The following PKD1 variants were observed in gnomAD, a reference collection of about 807,000 sequenced individuals.
PKD1 encodes the protein polycystin-1.
In PKD1, 81 loss-of-function variants were observed where a neutral mutation model predicts 361.7. The ratio of observed to expected loss-of-function variants is 0.22; its 90% CI spans 0.19 to 0.27. The LOEUF (loss-of-function observed/expected upper bound fraction) is 0.27. PKD1 is among the 10% of genes least tolerant of loss of function. PKD1 has a pLI of 1.00. For missense variants in PKD1, 6,399 were observed against 6,118.3 expected (o/e 1.05, Z -1.53); for synonymous variants, 3,615 against 2,818.3 (o/e 1.28, Z -8.95).
intron 34 of PKD1, among the ~76,000 whole-genome samples, chr16:2,096,604 C>G (rs1293161159): frequency 6.6e-6 from 1 of 152,204 alleles, no homozygotes; most frequent in African/African-American, 2.4e-5. Context: ...CAACCTTCAC[C>G]TACCAGGTTC....
In PKD1 at chr16:2,117,524, G is replaced by C; in HGVS notation, c.1350C>G (p.Pro450=). ...AGAALAMVDS[P]AVQRFLVSRV... ...GGGAGACCAGGAAGCGCTGCACGGC[G>C]GGACTGTCCACCATTGCCAGGGCGG... The change falls in exon 6 of 46, where the codon CCC becomes CCG. Residue 450 remains proline, a synonymous_variant. Coordinates refer to ENST00000262304, the MANE Select transcript of PKD1 (RefSeq NM_001009944.3). 1 of 1,588,140 alleles carries C rather than the reference G, an allele frequency of 6.3e-7. No individual in the cohort carries two copies. The highest frequency in any genetic ancestry group is 1.1e-5 in the South Asian group (1 of 88,212).
Position 2,111,153 on chromosome 16 carries a change from G to A in PKD1, c.4014C>T (p.Thr1338=), listed in dbSNP as rs577199866. The stretch of plus-strand genomic sequence containing the variant: ...GTGTCACCGTCGGGCACCCCCGCAC[G>A]GTCGTGTTGGAGGAGCCATCCCCGA... ...WTFGDGSSNT[T]VRGCPTVTHN... is the part of the protein sequence containing the mutation. Residue 1338 remains threonine, a synonymous_variant, in exon 15 of 46, where the codon ACC becomes ACT. Transcript: ENST00000262304. 528 of 1,611,188 alleles carry A rather than the reference G, an allele frequency of 3.3e-4. 3 individuals are homozygous for A. The South Asian group carries it at 4.8e-3, about 15-fold the overall frequency.
rs537747463 is a variant in PKD1 at position 2,114,704 on chromosome 16, T to C, written c.2319A>G (p.Ala773=). Residue 773 remains alanine (A), a synonymous_variant, in exon 11 of 46, where the codon GCA becomes GCG. Transcript: ENST00000262304. ...ACPACALRLL[A]ATEQLTVLLG... Reference sequence around the variant, plus strand: ...GCAGCACGGTGAGCTGTTCCGTGGCTGCAAGCAGCCGCAGGGCACAGGCAG... The same window carrying C: ...GCAGCACGGTGAGCTGTTCCGTGGCCGCAAGCAGCCGCAGGGCACAGGCAG... The C allele has an allele frequency of 1.1e-5, 17 of 1,535,024 alleles. No individual in the cohort carries two copies. The African/African-American group carries it at 1.9e-4, about 17-fold the overall frequency.
rs1475806710 is a variant in PKD1 at position 2,100,558 on chromosome 16, C to G, written c.9406G>C (p.Ala3136Pro). The G allele has an allele frequency of 1.2e-6, 2 of 1,609,922 alleles. No individual in the cohort carries two copies. Residue 3136 changes from alanine (A) to proline (P), a missense_variant, in exon 27 of 46, where the codon GCC becomes CCC. Coordinates refer to ENST00000262304, the MANE Select transcript of PKD1 (RefSeq NM_001009944.3). This position sits in a 1 kb window ranked among gnomAD's most constrained non-coding sequence, Gnocchi z 4.4. ...CCATACAGCATGATGCCCACGTGGG[C>G]CGTGGTACCTGGGAGGCAAGAGGGA... ...TGWGRGSGTT[A>P]HVGIMLYGVD...
rs774694720 is a variant in PKD1, at chr16:2,105,900, C to T, written c.7828G>A (p.Glu2610Lys). The T allele has an allele frequency of 3.8e-6, 6 of 1,596,502 alleles. No homozygotes were observed. The highest frequency in any genetic ancestry group is 3.3e-5 in the Admixed American group (2 of 60,008). ...ACGGTGACCAGGGCCAACGAGTACTCGATGACGTGCTGGGGATCGGCCTGC... is the reference window on the plus strand; with the variant it reads ...ACGGTGACCAGGGCCAACGAGTACTTGATGACGTGCTGGGGATCGGCCTGC... ...LRQADPQHVI[E>K]YSLALVTVLN... Residue 2610 changes from glutamate (E) to lysine (K), a missense_variant, in exon 20 of 46, where the codon GAG (glutamate) becomes AAG (lysine). By Grantham distance (56) the Glu-to-Lys change is moderately conservative. Transcript: ENST00000262304.
At chr16:2,098,273 ATC>A (rs1267365446) in intron 30 of PKD1, 1 of 485,510 alleles carries the variant, frequency 2.1e-6, no homozygotes, top group African/African-American at 2.0e-5. Context: ...CAATGGCGCA[ATC>A]TCAGCTCACT....
chr16:2,115,333 G>A (rs2092613521), intron 10 of PKD1, 45 bp downstream of exon 10: 2 of 1,450,662 alleles, frequency 1.4e-6, no homozygotes, highest in African/African-American at 1.4e-5. Flanking sequence ...ACAGGAAGGT[G>A]GCCTGAGGAG....
At chr16:2,116,729 C>T (rs535919361) in intron 7 of PKD1, 85 bp from the exon 8 acceptor site, 16 of 1,146,420 alleles carry the variant, frequency 1.4e-5, no homozygotes, top group Admixed American at 6.0e-5. Context: ...CGCCCGAAAA[C>T]CCCCCCACCA....
intron 1 of PKD1, among the ~76,000 whole-genome samples, chr16:2,122,284 G>C (rs1367254407): frequency 6.6e-6 from 1 of 152,242 alleles, no homozygotes; most frequent in Non-Finnish European, 1.5e-5. Context: ...GGCACGGTTG[G>C]GGGTGCAGTT....
chr16:2,128,739 C>G (rs1298437471), intron 1 of PKD1, among the ~76,000 whole-genome samples: 1 of 152,164 alleles, frequency 6.6e-6, no homozygotes, highest in East Asian at 1.9e-4. Context: ...GAGTTTCACT[C>G]TGTCTCCCAG....
intron 34 of PKD1, among the ~76,000 whole-genome samples, chr16:2,096,412 G>A (rs570982494): frequency 1.3e-3 from 203 of 152,376 alleles, no homozygotes; most frequent in Non-Finnish European, 2.5e-3. Context: ...CCGTGGGTGC[G>A]CTCCGCCGCC....
chr16:2,107,976 G>A lies in PKD1; in HGVS notation c.6972C>T (p.Thr2324=), dbSNP rs1356548571. 2 of 1,548,340 alleles carry A rather than the reference G, an allele frequency of 1.3e-6. No individual in the cohort carries two copies. Among genetic ancestry groups the A allele is most frequent in the Non-Finnish European group, 8.7e-7 (1 of 1,147,170 alleles). ...NFGPRGSSTV[T]IPRERLAAGV... ...CAGCCGCCAGCCGCTCCCGTGGAAT[G>A]GTGACCGTGCTGCTCCCGCGGGGCC... The change falls in exon 16 of 46, where the codon ACC becomes ACT. Residue 2324 remains threonine (T), a synonymous_variant. Transcript: ENST00000262304.
chr16:2,113,249 C>T lies in PKD1; in HGVS notation c.2897G>A (p.Arg966Gln), dbSNP rs1291286859. 10 of 1,544,628 alleles carry T rather than the reference C, an allele frequency of 6.5e-6. No homozygotes were observed. The highest frequency in any genetic ancestry group is 2.7e-5 in the African/African-American group (2 of 73,358). ...GGACTGCTTGTCGTTGATGGTCCACCGGAAGACCATGTCCGAGCCGGCCTC... is the reference window on the plus strand; with the variant it reads ...GGACTGCTTGTCGTTGATGGTCCACTGGAAGACCATGTCCGAGCCGGCCTC... ...VVEAGSDMVF[R>Q]WTINDKQSLT... The change falls in exon 12 of 46, where the codon CGG becomes CAG. Residue 966 changes from arginine (R) to glutamine (Q), a missense_variant. Coordinates refer to ENST00000262304, the MANE Select transcript of PKD1 (RefSeq NM_001009944.3).
At chr16:2,112,261 G>A (rs547278482) in intron 14 of PKD1, 79 bp downstream of exon 14, 9 of 1,255,402 alleles carry the variant, frequency 7.2e-6, no homozygotes, top group Non-Finnish European at 1.0e-5. Context: ...AGGAAGGGGG[G>A]CAGCTTGACT....
At chr16:2,098,322 G>C (rs1400496551) in intron 30 of PKD1, 8 of 391,232 alleles carry the variant, frequency 2.0e-5, no homozygotes, top group Admixed American at 3.8e-5. Flanking sequence ...GATTGTCCTG[G>C]CTCAGCCTCC....
Position 2,114,193 on chromosome 16 carries a change from G to C in PKD1, c.2830C>G (p.Arg944Gly). The C allele has an allele frequency of 1.2e-6, 2 of 1,608,216 alleles. No homozygotes were observed. The highest frequency in any genetic ancestry group is 1.7e-6 in the Non-Finnish European group (2 of 1,179,538). Residue 944 changes from arginine (R) to glycine (G), a missense_variant, in exon 11 of 46, where the codon CGT becomes GGT. Transcript: ENST00000262304. ...ACCACTAGGACTCCCTGCAGTACACGGGCCTCGGGGCTGGGCGTGGCGCGG... is the reference window on the plus strand; with the variant it reads ...ACCACTAGGACTCCCTGCAGTACACCGGCCTCGGGGCTGGGCGTGGCGCGG... ...GLRATPSPEA[R>G]VLQGVLVRYS...
intron 34 of PKD1, among the ~76,000 whole-genome samples, chr16:2,094,419 T>TC (rs2151711648): frequency 6.6e-6 from 1 of 152,226 alleles, no homozygotes; most frequent in Admixed American, 6.5e-5. Context: ...AAGTCAGGCG[T>TC]CCGCCTGCGT....
intron 15 of PKD1, 46 bp from the exon 16 acceptor site, chr16:2,108,078 A>G (rs746536092): frequency 6.4e-5 from 102 of 1,586,724 alleles, no homozygotes; most frequent in Non-Finnish European, 7.7e-5. Context: ...AGCCCCATCC[A>G]GTTTTAAAGC....
chr16:2,099,159 C>G, intron 30 of PKD1: 2 of 331,658 alleles, frequency 6.0e-6, no homozygotes, highest in Non-Finnish European at 1.2e-5. Context: ...TAGATGGGGT[C>G]TTGCTATGTT....
Sources: allele counts gnomAD v4.1 joint callset (sites outside exome capture counted in the v4.1 genomes callset), GRCh38; gene constraint gnomAD v4.1.1; non-coding constraint Gnocchi (gnomAD v3.1); transcripts MANE v1.5; gene names NCBI Gene and HGNC (gene_info 2026-07-23, HGNC 2026-07-21).